Variants in CPNE4 observed in about 807,000 individuals in gnomAD.
The protein encoded by CPNE4 is copine-4.
CPNE4 carries 25 observed loss-of-function variants against 67.9 expected under a neutral mutation model. That is an observed-to-expected ratio of 0.37 (90% confidence interval 0.27 to 0.51). The LOEUF (loss-of-function observed/expected upper bound fraction) is 0.51, where lower values mean the gene tolerates loss of function less well. CPNE4 is among the 20% of genes least tolerant of loss of function. The pLI, the probability that CPNE4 is intolerant of heterozygous loss-of-function variation, is 0.93. For synonymous variants in CPNE4, 242 were observed against 244.9 expected (o/e 0.99, Z 0.11); for missense variants, 464 against 690.8 (o/e 0.67, Z 3.68).
intron 5 of CPNE4, among the ~76,000 whole-genome samples, chr3:131,692,553 A>G (rs988917069): frequency 6.6e-6 from 1 of 152,196 alleles, no homozygotes; most frequent in African/African-American, 2.4e-5. Flanking sequence ...TTTTGTGAAT[A>G]AAGTTTTATT....
intron 2 of CPNE4, among the ~76,000 whole-genome samples, chr3:131,824,192 G>A (rs2085067555): frequency 6.6e-6 from 1 of 152,154 alleles, no homozygotes; most frequent in African/African-American, 2.4e-5. Context: ...AGAAAGGTGT[G>A]AGAAGCCCCA....
rs576292238 is a variant in CPNE4, at chr3:132,001,666, C to T, written c.-2+32901G>A. On this transcript the variant is annotated intron_variant, in intron 1 of 15. Coordinates refer to ENST00000429747, the MANE Select transcript of CPNE4 (RefSeq NM_130808.3). ...AAGAATTCCATCCATACTAAGTATT[C>T]GATTCAAAGCAACAATTCTTACAGA... Among the ~76,000 whole-genome samples, 281 of 151,912 alleles carry T rather than the reference C, an allele frequency of 1.8e-3. 2 individuals are homozygous for T. The highest frequency in any genetic ancestry group is 3.3e-3 in the Non-Finnish European group (225 of 67,914).
intron 2 of CPNE4, among the ~76,000 whole-genome samples, chr3:131,735,481 A>G (rs963793658): frequency 2.6e-5 from 4 of 152,220 alleles, no homozygotes; most frequent in Non-Finnish European, 4.4e-5. Flanking sequence ...CCCTTCCCTT[A>G]GGAACTCATC....
intron 7 of CPNE4, among the ~76,000 whole-genome samples, chr3:131,607,194 G>GAC (rs1278878607): frequency 6.7e-6 from 1 of 149,588 alleles, no homozygotes; most frequent in Non-Finnish European, 1.5e-5. Context: ...CAGCCAGGAA[G>GAC]ACATCCTATT....
intron 1 of CPNE4, among the ~76,000 whole-genome samples, chr3:131,923,979 C>G (rs1308615854): frequency 1.3e-5 from 2 of 152,056 alleles, no homozygotes; most frequent in Non-Finnish European, 2.9e-5. Flanking sequence ...CCAAAGGGAC[C>G]CTCCTGACTC....
chr3:132,022,898 C>A (rs772933310), intron 1 of CPNE4, among the ~76,000 whole-genome samples: 5 of 152,026 alleles, frequency 3.3e-5, no homozygotes, highest in Non-Finnish European at 5.9e-5. Context: ...CGCTTGTTTC[C>A]ATAAAAATAA....
intron 4 of CPNE4, among the ~76,000 whole-genome samples, chr3:131,698,506 C>T (rs1331735965): frequency 6.6e-6 from 1 of 151,212 alleles, no homozygotes; most frequent in Non-Finnish European, 1.5e-5. Flanking sequence ...AAAGCTTTAA[C>T]ATGACAGTGT....
intron 2 of CPNE4, among the ~76,000 whole-genome samples, chr3:131,739,337 CT>C (rs1157960763): frequency 1.3e-5 from 2 of 152,200 alleles, no homozygotes; most frequent in Non-Finnish European, 2.9e-5. Flanking sequence ...AATCCTACAC[CT>C]GCCTACCCTG....
intron 2 of CPNE4, among the ~76,000 whole-genome samples, chr3:131,779,371 C>A (rs928729950): frequency 1.3e-5 from 2 of 151,840 alleles, no homozygotes; most frequent in Non-Finnish European, 2.9e-5. Flanking sequence ...ACCTGAATAG[C>A]CAAATCAATC....
At position 131,685,950 on chromosome 3, in the gene CPNE4, G is replaced by A; in HGVS notation, c.516C>T (p.Phe172=). The change falls in exon 6 of 16, where the codon TTC becomes TTT. Residue 172 remains phenylalanine, a synonymous_variant. Transcript: ENST00000429747. ...TTTCCAGAAATGGGTCAGATTTACT[G>A]AAGAAATCCTAAAATAGATAAACGT... is the stretch of plus-strand genomic sequence containing the variant. ...NARKLDDKDF[F]SKSDPFLEIF... is the part of the protein sequence containing the mutation. 6.3e-7 allele frequency: 1 copy of A among 1,588,484 alleles called. No homozygotes were observed. The highest frequency in any genetic ancestry group is 8.6e-7 in the Non-Finnish European group (1 of 1,157,012).
chr3:131,785,928 C>T (rs1366493285), intron 2 of CPNE4, among the ~76,000 whole-genome samples: 1 of 152,098 alleles, frequency 6.6e-6, no homozygotes, highest in Non-Finnish European at 1.5e-5. Context: ...TAAATCAGAA[C>T]TATGTTAAGT....
At chr3:131,955,420 T>G (rs112188589) in intron 1 of CPNE4, among the ~76,000 whole-genome samples, 18 of 131,576 alleles carry the variant, frequency 1.4e-4, no homozygotes, top group Admixed American at 3.0e-4. Context: ...GTTTTTTTTT[T>G]TTTTTTTTTT....
At chr3:131,575,434 C>T (rs973811502) in intron 9 of CPNE4, among the ~76,000 whole-genome samples, 1 of 152,140 alleles carries the variant, frequency 6.6e-6, no homozygotes, top group Non-Finnish European at 1.5e-5. Flanking sequence ...TCAAGTGTCA[C>T]TACTGTTTTG....
intron 1 of CPNE4, among the ~76,000 whole-genome samples, chr3:132,001,670 T>C (rs2073454799): frequency 6.6e-6 from 1 of 151,962 alleles, no homozygotes; most frequent in Non-Finnish European, 1.5e-5. Flanking sequence ...AGTATTCGAT[T>C]CAAAGCAACA....
At chr3:131,703,248 T>A (rs1206526614) in intron 3 of CPNE4, among the ~76,000 whole-genome samples, 1 of 152,210 alleles carries the variant, frequency 6.6e-6, no homozygotes, top group East Asian at 1.9e-4. Context: ...CAGCTGACAT[T>A]TGAGGCCAAC....
At chr3:131,648,567 G>C (rs2079727302) in intron 7 of CPNE4, among the ~76,000 whole-genome samples, 1 of 152,160 alleles carries the variant, frequency 6.6e-6, no homozygotes, top group Admixed American at 6.5e-5. Context: ...CATATTTAAT[G>C]TAATTAAGAC....
intron 5 of CPNE4, among the ~76,000 whole-genome samples, chr3:131,693,114 T>C (rs1295758489): frequency 2.0e-5 from 3 of 152,180 alleles, no homozygotes; most frequent in Admixed American, 2.0e-4. Context: ...TGATTGCTAG[T>C]CTGTTGAAAG....
intron 2 of CPNE4, among the ~76,000 whole-genome samples, chr3:131,753,301 A>G (rs1216454875): frequency 6.6e-6 from 1 of 152,030 alleles, no homozygotes; most frequent in Non-Finnish European, 1.5e-5. Flanking sequence ...AAATATAATG[A>G]AAAAGTAAAA....
rs578150917 is a variant in CPNE4 at position 131,779,363 on chromosome 3, C to T, written c.181-55738G>A. Among the ~76,000 whole-genome samples, 4 of 151,900 alleles carry T rather than the reference C, an allele frequency of 2.6e-5. No individual in the cohort carries two copies. The South Asian group carries it at 8.3e-4, about 32-fold the overall frequency. ...AAATTCATTTGGAACCAAAAAGAAC[C>T]TGAATAGCCAAATCAATCCTAAGCA... is the stretch of plus-strand genomic sequence containing the variant. On this transcript the variant is annotated intron_variant, in intron 2 of 15. Coordinates refer to ENST00000429747, the MANE Select transcript of CPNE4 (RefSeq NM_130808.3).
Sources: gnomAD v4.1 joint callset for allele counts (sites outside exome capture counted in the v4.1 genomes callset) on GRCh38, gnomAD v4.1.1 for gene constraint, MANE v1.5 for transcripts, NCBI Gene and HGNC (gene_info 2026-07-23, HGNC 2026-07-21) for gene names.